Variants in TECPR1 observed in about 807,000 individuals in gnomAD.
TECPR1 encodes tectonin beta-propeller repeat containing 1.
In TECPR1, 122 loss-of-function variants were observed where a neutral mutation model predicts 162.4. The ratio of observed to expected loss-of-function variants is 0.75; its 90% CI spans 0.65 to 0.87. The LOEUF is 0.87. TECPR1 is among the 40% of genes least tolerant of loss of function. TECPR1 has a pLI of 0.00. For missense variants in TECPR1, 1,432 were observed against 1,618.2 expected (o/e 0.88, Z 1.97); for synonymous variants, 642 against 670.6 (o/e 0.96, Z 0.66).
chr7:98,232,632 A>G lies in TECPR1; in HGVS notation c.1818+195T>C, dbSNP rs930427788. ...CCAGGGCCTCCAACGAGTCTGGAAC[A>G]CAGTGAGGCCCAAACCAAAGTCTTC... On this transcript the variant is annotated intron_variant, in intron 12 of 25. Transcript: ENST00000447648. This position sits in a 1 kb window ranked among gnomAD's most constrained non-coding sequence, Gnocchi z 4.6. 2.0e-5 allele frequency among the ~76,000 whole-genome samples: 3 copies of G among 151,548 alleles called. No homozygotes were observed. The highest frequency in any genetic ancestry group is 4.4e-5 in the Non-Finnish European group (3 of 67,842).
In TECPR1 at chr7:98,217,519, T is replaced by C. The variant is rs143399165; in HGVS notation, c.3385-16A>G. ...CCCAGCCTCCCTGGAAGGAGAGAGCTGTGTCACCAGGGGACTCGGGGACTC... is the reference window on the plus strand; with the variant it reads ...CCCAGCCTCCCTGGAAGGAGAGAGCCGTGTCACCAGGGGACTCGGGGACTC... On this transcript the variant is annotated splice_polypyrimidine_tract_variant and intron_variant, in intron 25 of 25. Coordinates refer to ENST00000447648, the MANE Select transcript of TECPR1 (RefSeq NM_015395.3). 3,174 of 1,578,676 alleles carry C rather than the reference T, an allele frequency of 2.0e-3. 61 individuals carry two copies. The African/African-American group carries it at 0.036, about 18-fold the overall frequency.
Position 98,240,956 on chromosome 7 carries a change from C to T in TECPR1, c.833-5G>A, listed in dbSNP as rs767803462. 1.1e-5 allele frequency: 18 copies of T among 1,601,970 alleles called. No individual in the cohort carries two copies. The highest frequency in any genetic ancestry group is 1.4e-5 in the Non-Finnish European group (16 of 1,175,518). ...CCACGATGGACCAGGAACTTCCTAC[C>T]GGGCCCCCAAGAAACCCCCAGTGGC... On this transcript the variant is annotated splice_region_variant and splice_polypyrimidine_tract_variant and intron_variant, in intron 7 of 25. Coordinates refer to ENST00000447648, the MANE Select transcript of TECPR1 (RefSeq NM_015395.3).
chr7:98,244,807 G>A, intron 4 of TECPR1, 78 bp downstream of exon 4: 1 of 1,593,488 alleles, frequency 6.3e-7, no homozygotes, highest in Non-Finnish European at 8.6e-7. Flanking sequence ...ACCACAGGGT[G>A]CAGGGGACAG....
chr7:98,248,293 T>A (rs970671970), intron 2 of TECPR1, among the ~76,000 whole-genome samples: 3 of 151,836 alleles, frequency 2.0e-5, no homozygotes, highest in Admixed American at 6.6e-5. Flanking sequence ...GGCTCCTAGA[T>A]CCAACCCAGG....
intron 9 of TECPR1, 104 bp downstream of exon 9, chr7:98,238,405 G>A (rs1350887118): frequency 2.2e-6 from 2 of 914,436 alleles, no homozygotes; most frequent in African/African-American, 3.3e-5. Flanking sequence ...AATGGAGTGG[G>A]GGGCTCTCCT....
At position 98,233,894 on chromosome 7, in the gene TECPR1, C is replaced by T; in HGVS notation, c.1199G>A (p.Gly400Asp). Residue 400 changes from glycine to aspartate, a missense_variant, in exon 11 of 26, where the codon GGT (glycine) becomes GAT (aspartate). Transcript: ENST00000447648. The stretch of plus-strand genomic sequence containing the variant: ...CTCGCCACTACCCCTCACCTCATCA[C>T]CGAAGAAGCAGCCGGCACTGGGGAC... ...SSLLSAGCFF[G>D]DEVRGSGESA... 1 of 1,539,436 alleles carries T rather than the reference C, an allele frequency of 6.5e-7. No homozygotes were observed.
chr7:98,244,016 C>G (rs1244944542), intron 5 of TECPR1, among the ~76,000 whole-genome samples: 1 of 152,138 alleles, frequency 6.6e-6, no homozygotes, highest in Admixed American at 6.6e-5. Flanking sequence ...TGAGCTGTGA[C>G]TGTACCACTG....
chr7:98,237,033 G>T, intron 9 of TECPR1, 112 bp from the exon 10 acceptor site: 3 of 1,234,054 alleles, frequency 2.4e-6, no homozygotes, highest in Non-Finnish European at 3.2e-6. Flanking sequence ...GTGTGTGTGG[G>T]CTGGGAAGGT....
chr7:98,246,990 T>A (rs1168158955), intron 2 of TECPR1, among the ~76,000 whole-genome samples: 1 of 151,534 alleles, frequency 6.6e-6, no homozygotes, highest in African/African-American at 2.4e-5. Flanking sequence ...ATACAAAAAT[T>A]AGCCAGGCAC....
intron 15 of TECPR1, among the ~76,000 whole-genome samples, chr7:98,230,504 C>T (rs1798401403): frequency 6.6e-6 from 1 of 152,172 alleles, no homozygotes; most frequent in African/African-American, 2.4e-5. Context: ...CTGCCTTGAC[C>T]ACGCCCCCAA....
rs1210695613 is a variant in TECPR1 at position 98,217,220 on chromosome 7, A to G, written c.*170T>C. 3.4e-6 allele frequency: 2 copies of G among 590,492 alleles called. No homozygotes were observed. The highest frequency in any genetic ancestry group is 6.0e-6 in the Non-Finnish European group (2 of 332,474). The allele number at this position is 590,492 out of a possible 1,614,324, so 36.6% of individuals were successfully genotyped here. On this transcript the variant is annotated 3_prime_UTR_variant, in exon 26 of 26. Coordinates refer to ENST00000447648, the MANE Select transcript of TECPR1 (RefSeq NM_015395.3). Reference sequence around the variant, plus strand: ...GAGTGTCCGCGGAGCTTCACATTTCAGGGCCGTCTCAGCCAGTGCCTCTGA... The same window carrying G: ...GAGTGTCCGCGGAGCTTCACATTTCGGGGCCGTCTCAGCCAGTGCCTCTGA...
intron 6 of TECPR1, 137 bp downstream of exon 6, chr7:98,243,330 G>T: frequency 8.2e-6 from 10 of 1,218,228 alleles, no homozygotes; most frequent in Non-Finnish European, 1.0e-5. Context: ...GGGCTCGGAG[G>T]AGAGAAAGGC....
rs1223753268 is a variant in TECPR1, at chr7:98,223,089, G to C, written c.2829C>G (p.Ser943Arg). ...ALRDVSIIPE[S>R]PGAEGSGHSI... ...TGTGCCCACTCCCCTCGGCACCCGG[G>C]CTCTCCGGGATGATGGACACGTCCC... Residue 943 changes from serine to arginine, a missense_variant, in exon 21 of 26, where the codon AGC becomes AGG. Ser to Arg is a moderately radical substitution (Grantham distance 110). Transcript: ENST00000447648. 1.9e-6 allele frequency: 3 copies of C among 1,603,092 alleles called. No individual in the cohort carries two copies. In the African/African-American group the frequency reaches 4.0e-5, roughly 21 times the overall value.
intron 2 of TECPR1, among the ~76,000 whole-genome samples, chr7:98,249,658 G>A (rs1799009195): frequency 6.6e-6 from 1 of 152,136 alleles, no homozygotes; most frequent in Admixed American, 6.5e-5. Flanking sequence ...ATCTATAAAA[G>A]GCAGAATAGG....
intron 15 of TECPR1, among the ~76,000 whole-genome samples, chr7:98,229,957 TC>T (rs5886054): frequency 0.44 from 64,613 of 145,832 alleles, 14,731 homozygotes; most frequent in East Asian, 0.7. Flanking sequence ...TCAGCTCAGA[TC>T]CCCCCCCCAG....
At position 98,217,968 on chromosome 7, in the gene TECPR1, C is replaced by T. The variant is rs762019037; in HGVS notation, c.3232G>A (p.Val1078Met). The change falls in exon 24 of 26, where the codon GTG becomes ATG. Residue 1078 changes from valine (V) to methionine (M), a missense_variant. By Grantham distance (21) the Val-to-Met change is conservative (BLOSUM62 1). Coordinates refer to ENST00000447648, the MANE Select transcript of TECPR1 (RefSeq NM_015395.3). Reference protein sequence around the residue: ...GSSWEHVSNNVCRVSVGPLDQ... With the variant: ...GSSWEHVSNNMCRVSVGPLDQ... ...AGGGGCCCCACGGACACTCGGCACACGTTGTTGGACACGTGCTCCCAGCTG... is the reference window on the plus strand; with the variant it reads ...AGGGGCCCCACGGACACTCGGCACATGTTGTTGGACACGTGCTCCCAGCTG... 42 of 1,561,558 alleles carry T rather than the reference C, an allele frequency of 2.7e-5. No individual in the cohort carries two copies. In the Middle Eastern group the frequency reaches 6.6e-4, roughly 25 times the overall value.
At position 98,229,121 on chromosome 7, in the gene TECPR1, G is replaced by A; in HGVS notation, c.2328C>T (p.Asn776=). Residue 776 remains asparagine, a synonymous_variant, in exon 16 of 26, where the codon AAC becomes AAT. Transcript: ENST00000447648. ...MGGHLRMVEA[N]SRGVVWGIGY... ...CGATGCCCCACACCACGCCCCGGCT[G>A]TTGGCCTCCACCATCCGCAGGTGGC... 4.5e-6 allele frequency: 7 copies of A among 1,569,488 alleles called. No homozygotes were observed. The highest frequency in any genetic ancestry group is 6.0e-6 in the Non-Finnish European group (7 of 1,158,184).
At chr7:98,238,364 G>T in intron 9 of TECPR1, 145 bp downstream of exon 9, 1 of 693,392 alleles carries the variant, frequency 1.4e-6, no homozygotes, top group Non-Finnish European at 2.5e-6. Flanking sequence ...AGGGAAGCCT[G>T]GCACCTCAGA....
At chr7:98,222,932 C>A in intron 21 of TECPR1, 58 bp downstream of exon 21, 1 of 1,586,506 alleles carries the variant, frequency 6.3e-7, no homozygotes. Context: ...CTGAGCCCTG[C>A]CGGACTCCAG....
Sources: allele counts gnomAD v4.1 joint callset (sites outside exome capture counted in the v4.1 genomes callset), GRCh38; gene constraint gnomAD v4.1.1; non-coding constraint Gnocchi (gnomAD v3.1); transcripts MANE v1.5; gene names NCBI Gene and HGNC (gene_info 2026-07-23, HGNC 2026-07-21).